SLC6A11: variants seen among roughly 807,000 people sequenced by gnomAD.
The protein encoded by SLC6A11 is solute carrier family 6 member 11.
In SLC6A11, 25 loss-of-function variants were observed where a neutral mutation model predicts 74.8. The ratio of observed to expected loss-of-function variants is 0.33; its 90% CI spans 0.24 to 0.47. The LOEUF is 0.47. SLC6A11 is among the 20% of genes least tolerant of loss of function. SLC6A11 has a pLI of 1.00. For missense variants in SLC6A11, 574 were observed against 837.0 expected (o/e 0.69, Z 3.88); for synonymous variants, 330 against 330.2 (o/e 1.00, Z 0.01).
At position 10,937,760 on chromosome 3, in the gene SLC6A11, G is replaced by T. The variant is rs1695775170; in HGVS notation, c.1747-490G>T. ...CTTCTACCTTTGAGCACAGCTGGAGGAACACCCAACACACACTACACCTTC... is the reference window on the plus strand; with the variant it reads ...CTTCTACCTTTGAGCACAGCTGGAGTAACACCCAACACACACTACACCTTC... On this transcript the variant is annotated intron_variant, in intron 13 of 13. Coordinates refer to ENST00000254488, the MANE Select transcript of SLC6A11 (RefSeq NM_014229.3). 2.0e-5 allele frequency among the ~76,000 whole-genome samples: 3 copies of T among 152,120 alleles called. No homozygotes were observed. The South Asian group carries it at 6.2e-4, about 31-fold the overall frequency.
chr3:10,893,526 G>A (rs570942711), intron 6 of SLC6A11, among the ~76,000 whole-genome samples: 45 of 152,290 alleles, frequency 3.0e-4, no homozygotes, highest in Middle Eastern at 3.4e-3. Flanking sequence ...CGTTGGTTTT[G>A]GTTTCGGTTT....
Position 10,929,197 on chromosome 3 carries a change from T to A in SLC6A11, c.1234-5T>A. ...AGTTTCACACCATCATATCTCCCCA[T>A]CCAGTTTGTGTGTGTGGAAAGCCTG... is the stretch of plus-strand genomic sequence containing the variant. On this transcript the variant is annotated splice_polypyrimidine_tract_variant and splice_region_variant and intron_variant, in intron 9 of 13. Transcript: ENST00000254488. 6.2e-7 allele frequency: 1 copy of A among 1,613,784 alleles called. No individual in the cohort carries two copies. Among genetic ancestry groups the A allele is most frequent in the South Asian group, 1.1e-5 (1 of 90,978 alleles).
chr3:10,926,017 C>G lies in SLC6A11; in HGVS notation c.1134C>G (p.Ala378=). The G allele has an allele frequency of 8.1e-6, 13 of 1,610,870 alleles. No individual in the cohort carries two copies. The highest frequency in any genetic ancestry group is 1.1e-5 in the Non-Finnish European group (13 of 1,177,516). Residue 378 remains alanine (A), a synonymous_variant, in exon 9 of 14, where the codon GCC becomes GCG. Coordinates refer to ENST00000254488, the MANE Select transcript of SLC6A11 (RefSeq NM_014229.3). The surrounding 1 kb of genome is among the most constrained non-coding windows in gnomAD (Gnocchi z 5.7). ...CCCTCGCTCCAGGCCCCGGCCTGGC[C>G]TTTATTGCGTACCCCAAGGCGGTCA... ...AEVAESGPGL[A]FIAYPKAVTM... is the part of the protein sequence containing the mutation.
At chr3:10,906,628 G>A (rs1354973455) in intron 6 of SLC6A11, among the ~76,000 whole-genome samples, 1 of 152,214 alleles carries the variant, frequency 6.6e-6, no homozygotes, top group Non-Finnish European at 1.5e-5. Context: ...GGGGAGGACT[G>A]CAGCAAATTT....
chr3:10,837,817 A>T (rs1694385821), intron 4 of SLC6A11, among the ~76,000 whole-genome samples: 1 of 152,132 alleles, frequency 6.6e-6, no homozygotes, highest in Non-Finnish European at 1.5e-5. Flanking sequence ...CCTGCCGTGG[A>T]CTCTGTCGGA....
chr3:10,850,559 G>A (rs1694560894), intron 5 of SLC6A11, among the ~76,000 whole-genome samples: 1 of 152,196 alleles, frequency 6.6e-6, no homozygotes, highest in Admixed American at 6.5e-5. Flanking sequence ...TCCTCAGAGA[G>A]GTCAGGGATG....
At position 10,916,810 on chromosome 3, in the gene SLC6A11, A is replaced by AT. The variant is rs551009396; in HGVS notation, c.996-1518dup. ...AAATTCTGTTATCCAAGCACCTTGT[A>AT]TAGCCAGTGAGATCAGGTTCGAAGA... On this transcript the variant is annotated intron_variant, in intron 7 of 13. Coordinates refer to ENST00000254488, the MANE Select transcript of SLC6A11 (RefSeq NM_014229.3). Among the ~76,000 whole-genome samples, 186 of 152,320 alleles carry AT rather than the reference A, an allele frequency of 1.2e-3. 1 individual carries two copies. Among genetic ancestry groups the AT allele is most frequent in the African/African-American group, 4.1e-3 (170 of 41,574 alleles).
At position 10,840,033 on chromosome 3, in the gene SLC6A11, G is replaced by A. The variant is rs184305563; in HGVS notation, c.624-4181G>A. Reference sequence around the variant, plus strand: ...CAGACTCCTCTGCCCCACCCTGACCGTTCATTCCTCCCATGGCAGCTAGAG... The same window carrying A: ...CAGACTCCTCTGCCCCACCCTGACCATTCATTCCTCCCATGGCAGCTAGAG... On this transcript the variant is annotated intron_variant, in intron 4 of 13. Transcript: ENST00000254488. 9.4e-4 allele frequency among the ~76,000 whole-genome samples: 143 copies of A among 152,158 alleles called. 1 individual carries two copies. The highest frequency in any genetic ancestry group is 3.3e-3 in the African/African-American group (137 of 41,516).
intron 6 of SLC6A11, among the ~76,000 whole-genome samples, chr3:10,876,477 C>A (rs915955751): frequency 1.3e-5 from 2 of 152,170 alleles, no homozygotes; most frequent in African/African-American, 4.8e-5. Flanking sequence ...CCCCTTCTCT[C>A]CTCTGCTTAT....
chr3:10,882,443 C>G (rs1331648081), intron 6 of SLC6A11, among the ~76,000 whole-genome samples: 6 of 152,184 alleles, frequency 3.9e-5, no homozygotes, highest in Admixed American at 3.9e-4. Flanking sequence ...ATCACCATCG[C>G]AGATGCCATT....
In SLC6A11 at chr3:10,909,934, C is replaced by T. The variant is rs192257953; in HGVS notation, c.892-2156C>T. Among the ~76,000 whole-genome samples, 27 of 152,326 alleles carry T rather than the reference C, an allele frequency of 1.8e-4. No individual in the cohort carries two copies. In the East Asian group the frequency reaches 4.2e-3, roughly 24 times the overall value. ...AAGCTTCTACCATTTCCAAAAACCT[C>T]CCCCAAATTGTATTTACCCTTTTAC... On this transcript the variant is annotated intron_variant, in intron 6 of 13. Transcript: ENST00000254488.
At chr3:10,845,663 T>C (rs1176991181) in intron 5 of SLC6A11, among the ~76,000 whole-genome samples, 2 of 152,104 alleles carry the variant, frequency 1.3e-5, no homozygotes, top group Non-Finnish European at 2.9e-5. Context: ...GCCAAGGTGC[T>C]CCATGCTACG....
At chr3:10,891,081 A>G (rs75508324) in intron 6 of SLC6A11, among the ~76,000 whole-genome samples, 1,784 of 152,248 alleles carry the variant, frequency 0.012, 35 homozygotes, top group African/African-American at 0.041. Context: ...ACAGCATGCA[A>G]TCTTAACTCT....
At chr3:10,873,940 A>G (rs1002545498) in intron 5 of SLC6A11, among the ~76,000 whole-genome samples, 29 of 151,678 alleles carry the variant, frequency 1.9e-4, no homozygotes, top group African/African-American at 6.8e-4. Context: ...ATGTTATGCT[A>G]TGCTATCCTA....
chr3:10,931,494 A>T (rs1339717534), intron 10 of SLC6A11, among the ~76,000 whole-genome samples: 1 of 152,136 alleles, frequency 6.6e-6, no homozygotes, highest in East Asian at 1.9e-4. Flanking sequence ...CTGAATATTC[A>T]CTGTAGTTGT....
chr3:10,825,379 C>A (rs1455557494), intron 4 of SLC6A11: 1 of 151,974 alleles, frequency 6.6e-6, no homozygotes, highest in Non-Finnish European at 1.5e-5. Flanking sequence ...TTTGTTTTGT[C>A]TGTTTTTTGC....
rs537103338 is a variant in SLC6A11 at position 10,828,344 on chromosome 3, A to T, written c.623+4952A>T. ...GCTCTAAGGGTATTCAGTTCTATTT[A>T]TTCAGAAGGATGAGGCCTTGTTTTT... is the stretch of plus-strand genomic sequence containing the variant. On this transcript the variant is annotated intron_variant, in intron 4 of 13. Transcript: ENST00000254488. Among the ~76,000 whole-genome samples, 4 of 152,342 alleles carry T rather than the reference A, an allele frequency of 2.6e-5. No individual in the cohort carries two copies. In the East Asian group the frequency reaches 7.7e-4, roughly 29 times the overall value.
chr3:10,836,176 G>A (rs1187290666), intron 4 of SLC6A11, among the ~76,000 whole-genome samples: 2 of 152,140 alleles, frequency 1.3e-5, no homozygotes, highest in African/African-American at 2.4e-5. Flanking sequence ...CTTTATCTAT[G>A]TTGTAGCATG....
At chr3:10,847,166 G>C (rs1694514933) in intron 5 of SLC6A11, among the ~76,000 whole-genome samples, 1 of 152,148 alleles carries the variant, frequency 6.6e-6, no homozygotes, top group South Asian at 2.1e-4. Flanking sequence ...ACAATAATTT[G>C]CTCAAGGACC....
Sources: gnomAD v4.1 joint callset for allele counts (sites outside exome capture counted in the v4.1 genomes callset) on GRCh38, gnomAD v4.1.1 for gene constraint, Gnocchi (gnomAD v3.1) non-coding constraint, MANE v1.5 for transcripts, NCBI Gene and HGNC (gene_info 2026-07-23, HGNC 2026-07-21) for gene names.